TMEM109: variants seen among roughly 807,000 people sequenced by gnomAD.
TMEM109 encodes the protein voltage-gated monoatomic cation channel TMEM109.
A neutral mutation model predicts 26.4 loss-of-function variants in TMEM109; 19 were observed. The observed-to-expected ratio is 0.72, with a 90% CI of 0.50 to 1.06. The LOEUF (loss-of-function observed/expected upper bound fraction) is 1.06. TMEM109 is among the 50% of genes least tolerant of loss of function. The probability of loss-of-function intolerance (pLI) is 0.00; values close to 1 mark genes in which losing one functional copy is unlikely to be tolerated. For missense variants in TMEM109, 262 were observed against 303.4 expected, an observed-to-expected ratio of 0.86 and a Z score of 1.01; for synonymous variants, 129 against 142.0, an observed-to-expected ratio of 0.91 and a Z score of 0.65.
chr11:60,921,760 C>T lies in TMEM109; in HGVS notation c.341-14C>T. On this transcript the variant is annotated splice_polypyrimidine_tract_variant and intron_variant, in intron 3 of 3. Transcript: ENST00000227525. The stretch of plus-strand genomic sequence containing the variant: ...CTCCAGGTTGGCTGACTCTGTGACT[C>T]TCTTGGCTTCCAGGTGATTACCTCG... The T allele has an allele frequency of 6.2e-7, 1 of 1,600,920 alleles. No individual in the cohort carries two copies. The highest frequency in any genetic ancestry group is 8.5e-7 in the Non-Finnish European group (1 of 1,175,396).
At chr11:60,916,953 C>T (rs1856180900) in intron 1 of TMEM109, among the ~76,000 whole-genome samples, 1 of 152,178 alleles carries the variant, frequency 6.6e-6, no homozygotes, top group South Asian at 2.1e-4. Flanking sequence ...TGGTTATGAC[C>T]CAGATAGCTC....
At chr11:60,919,490 C>T (rs1211226660) in intron 1 of TMEM109, among the ~76,000 whole-genome samples, 196 bp from the exon 2 acceptor site, 1 of 152,190 alleles carries the variant, frequency 6.6e-6, no homozygotes, top group Admixed American at 6.5e-5. Context: ...GAAAGAGGAA[C>T]CTGTGAGTCA....
rs1293479511 is a variant in TMEM109 at position 60,923,088 on chromosome 11, C to T, written c.*923C>T. ...TCCCCATCGCTCCACAACCTGAAAC[C>T]GAGAAGGAGTTGCTGACCAGTGCCC... On this transcript the variant is annotated 3_prime_UTR_variant, in exon 4 of 4. Coordinates refer to ENST00000227525, the MANE Select transcript of TMEM109 (RefSeq NM_024092.3). 1.3e-5 allele frequency: 2 copies of T among 152,612 alleles called. No homozygotes were observed. The highest frequency in any genetic ancestry group is 4.8e-5 in the African/African-American group (2 of 41,440). 9.5% of individuals were successfully genotyped at this position (152,612 alleles called of 1,614,324 possible).
intron 1 of TMEM109, 113 bp from the exon 2 acceptor site, chr11:60,919,573 T>A (rs1013971049): frequency 9.5e-6 from 8 of 842,064 alleles, no homozygotes; most frequent in Non-Finnish European, 1.6e-5. Context: ...CTTTCCAGGG[T>A]TAGTTTGGTG....
At chr11:60,915,438 C>T (rs960309253) in intron 1 of TMEM109, among the ~76,000 whole-genome samples, 2 of 152,240 alleles carry the variant, frequency 1.3e-5, no homozygotes, top group African/African-American at 4.8e-5. Context: ...AGACTTTTCC[C>T]TGAGCTGCTG....
At chr11:60,921,573 C>T (rs1475707127) in intron 3 of TMEM109, among the ~76,000 whole-genome samples, 1 of 152,194 alleles carries the variant, frequency 6.6e-6, no homozygotes, top group African/African-American at 2.4e-5. Context: ...AACTGCAGCT[C>T]AACAGAAGCA....
chr11:60,917,235 C>A (rs943102495), intron 1 of TMEM109, among the ~76,000 whole-genome samples: 2 of 152,202 alleles, frequency 1.3e-5, no homozygotes, highest in African/African-American at 4.8e-5. Flanking sequence ...TCATTCTCTT[C>A]CTTCTCCATC....
At position 60,920,973 on chromosome 11, in the gene TMEM109, G is replaced by C; in HGVS notation, c.325G>C (p.Ala109Pro). The part of the protein sequence containing the change: ...LSGIAAQLLN[A>P]LGLAGDYLAQ... Reference sequence around the variant, plus strand: ...TGGGATCGCCGCACAGCTGCTGAATGCCTTGGGACTAGCTGGTGAGTGTTC... The same window carrying C: ...TGGGATCGCCGCACAGCTGCTGAATCCCTTGGGACTAGCTGGTGAGTGTTC... Residue 109 changes from alanine (A) to proline (P), a missense_variant, in exon 3 of 4, where the codon GCC (alanine) becomes CCC (proline). Transcript: ENST00000227525. 6.2e-7 allele frequency: 1 copy of C among 1,614,138 alleles called. No individual in the cohort carries two copies. Among genetic ancestry groups the C allele is most frequent in the Non-Finnish European group, 8.5e-7 (1 of 1,179,988 alleles).
chr11:60,923,201 C>T lies in TMEM109; in HGVS notation c.*1036C>T, dbSNP rs1046547991. 1 of 152,470 alleles carries T rather than the reference C, an allele frequency of 6.6e-6. No individual in the cohort carries two copies. Among genetic ancestry groups the T allele is most frequent in the East Asian group, 1.9e-4 (1 of 5,174 alleles). 9.4% of individuals were successfully genotyped at this position (152,470 alleles called of 1,614,324 possible). A position where few individuals can be genotyped will look rare whatever the true frequency, so the allele number is the denominator to read the frequency against. On this transcript the variant is annotated 3_prime_UTR_variant, in exon 4 of 4. Coordinates refer to ENST00000227525, the MANE Select transcript of TMEM109 (RefSeq NM_024092.3). ...GGGTGAGCTGCCAGCTGCCCCTCTC[C>T]ACCAGGGTACCCTGTCTTGGTGGTT...
chr11:60,916,194 C>G (rs1018965759), intron 1 of TMEM109, among the ~76,000 whole-genome samples: 2 of 152,168 alleles, frequency 1.3e-5, no homozygotes, highest in Non-Finnish European at 2.9e-5. Flanking sequence ...AGTCACTCAA[C>G]CTCTCTAAGC....
chr11:60,914,412 GGGA>G (rs1856148282), intron 1 of TMEM109, 144 bp downstream of exon 1: 1 of 152,316 alleles, frequency 6.6e-6, no homozygotes, highest in African/African-American at 2.4e-5. Flanking sequence ...AAACAAACCG[GGGA>G]CCCGGATCCC....
intron 2 of TMEM109, 23 bp from the exon 3 acceptor site, chr11:60,920,863 C>A (rs748929385): frequency 6.2e-7 from 1 of 1,601,550 alleles, no homozygotes; most frequent in South Asian, 1.1e-5. Flanking sequence ...ATGAACTCAT[C>A]TCGCTCCGTG....
In TMEM109 at chr11:60,922,566, A is replaced by C. The variant is rs1356321296; in HGVS notation, c.*401A>C. On this transcript the variant is annotated 3_prime_UTR_variant, in exon 4 of 4. Coordinates refer to ENST00000227525, the MANE Select transcript of TMEM109 (RefSeq NM_024092.3). ...TGCTCGTGCTCTCCTGTCCTTCTGA[A>C]GTTGCTCCTTGGCCAAATCTCCAGC... The C allele has an allele frequency of 3.5e-5, 14 of 395,286 alleles. No individual in the cohort carries two copies. The Admixed American group carries it at 5.1e-4, about 14-fold the overall frequency. The allele number at this position is 395,286 out of a possible 1,614,324, so 24.5% of individuals were successfully genotyped here. A position where few individuals can be genotyped will look rare whatever the true frequency, so the allele number is the denominator to read the frequency against.
chr11:60,922,132 G>A lies in TMEM109; in HGVS notation c.699G>A (p.Ala233=), dbSNP rs774957015. The change falls in exon 4 of 4, where the codon GCG becomes GCA. Residue 233 remains alanine (A), a synonymous_variant. Transcript: ENST00000227525. The stretch of plus-strand genomic sequence containing the variant: ...AGCTGCGCTGGCGCCAGAGGCGAGC[G>A]GCCAAGGGGGCCCGCAGTGTGGAGG... ...VEELRWRQRR[A]AKGARSVEEE is the part of the protein sequence containing the mutation. 6.9e-6 allele frequency: 11 copies of A among 1,604,696 alleles called. No individual in the cohort carries two copies. Among genetic ancestry groups the A allele is most frequent in the Admixed American group, 3.4e-5 (2 of 58,888 alleles).
rs1479610766 is a variant in TMEM109 at position 60,920,969 on chromosome 11, G to A, written c.321G>A (p.Leu107=). Residue 107 remains leucine (L), a synonymous_variant, in exon 3 of 4, where the codon CTG becomes CTA. Coordinates refer to ENST00000227525, the MANE Select transcript of TMEM109 (RefSeq NM_024092.3). ...TGTCTGGGATCGCCGCACAGCTGCT[G>A]AATGCCTTGGGACTAGCTGGTGAGT... ...FALSGIAAQL[L]NALGLAGDYL... is the part of the protein sequence containing the mutation. 6.2e-7 allele frequency: 1 copy of A among 1,614,154 alleles called. No individual in the cohort carries two copies. Among genetic ancestry groups the A allele is most frequent in the East Asian group, 2.2e-5 (1 of 44,886 alleles).
At chr11:60,916,516 C>T (rs527960027) in intron 1 of TMEM109, among the ~76,000 whole-genome samples, 1 of 152,210 alleles carries the variant, frequency 6.6e-6, no homozygotes, top group African/African-American at 2.4e-5. Context: ...AGTGAGGAGG[C>T]CTAATAGCAG....
At chr11:60,919,999 C>A in intron 2 of TMEM109, 69 bp downstream of exon 2, 1 of 1,326,566 alleles carries the variant, frequency 7.5e-7, no homozygotes, top group Non-Finnish European at 1.1e-6. Flanking sequence ...TTGGTAATGG[C>A]CACCTCATCT....
intron 1 of TMEM109, among the ~76,000 whole-genome samples, chr11:60,914,793 G>T (rs918191834): frequency 3.9e-5 from 6 of 152,270 alleles, no homozygotes; most frequent in African/African-American, 1.4e-4. Flanking sequence ...CCCCTTTGCC[G>T]TCGCCCTGCC....
In TMEM109 at chr11:60,920,212, G is replaced by T. The variant is rs534653003; in HGVS notation, c.237+282G>T. 2.6e-5 allele frequency among the ~76,000 whole-genome samples: 4 copies of T among 152,320 alleles called. No homozygotes were observed. In the South Asian group the frequency reaches 8.3e-4, roughly 32 times the overall value. ...TATAAGCCCATGTTACTGGGTGACTGTAGAGTCTCACTTTGGTCTAAATCT... is the reference window on the plus strand; with the variant it reads ...TATAAGCCCATGTTACTGGGTGACTTTAGAGTCTCACTTTGGTCTAAATCT... On this transcript the variant is annotated intron_variant, in intron 2 of 3. Transcript: ENST00000227525.
Sources: gnomAD v4.1 joint callset for allele counts (sites outside exome capture counted in the v4.1 genomes callset) on GRCh38, gnomAD v4.1.1 for gene constraint, MANE v1.5 for transcripts, NCBI Gene and HGNC (gene_info 2026-07-23, HGNC 2026-07-21) for gene names.